TFG: variants seen among roughly 807,000 people sequenced by gnomAD.
TFG encodes protein TFG.
Under a neutral mutation model 51.4 loss-of-function variants are expected in TFG, and 22 were observed. The ratio of observed to expected loss-of-function variants is 0.43; its 90% CI spans 0.31 to 0.61. The LOEUF (loss-of-function observed/expected upper bound fraction) is 0.61, where lower values mean the gene tolerates loss of function less well. TFG is among the 20% of genes least tolerant of loss of function. TFG has a pLI of 0.12. For synonymous variants in TFG, 187 were observed against 165.6 expected, an observed-to-expected ratio of 1.13 and a Z score of -0.99; for missense variants, 419 against 487.7, an observed-to-expected ratio of 0.86 and a Z score of 1.33.
At chr3:100,724,330 C>T (rs1477874713) in intron 3 of TFG, among the ~76,000 whole-genome samples, 1 of 152,080 alleles carries the variant, frequency 6.6e-6, no homozygotes, top group African/African-American at 2.4e-5. Flanking sequence ...AGAAACAAGG[C>T]ACAAATAAGC....
At chr3:100,711,962 C>G (rs1239020793) in intron 1 of TFG, among the ~76,000 whole-genome samples, 1 of 152,204 alleles carries the variant, frequency 6.6e-6, no homozygotes, top group Non-Finnish European at 1.5e-5. Context: ...TAATCACTGT[C>G]TTCACGAGAA....
At chr3:100,720,628 C>T (rs74732564) in intron 3 of TFG, among the ~76,000 whole-genome samples, 2,216 of 152,354 alleles carry the variant, frequency 0.015, 50 homozygotes, top group African/African-American at 0.05. Context: ...CACCACTTAA[C>T]CTCCTGCTGT....
rs185528345 is a variant in TFG at position 100,724,590 on chromosome 3, A to G, written c.269-4122A>G. Among the ~76,000 whole-genome samples the G allele has an allele frequency of 2.9e-4, 44 of 152,326 alleles. No homozygotes were observed. In the South Asian group the frequency reaches 7.0e-3, roughly 24 times the overall value. On this transcript the variant is annotated intron_variant, in intron 3 of 7. Coordinates refer to ENST00000240851, the MANE Select transcript of TFG (RefSeq NM_006070.6). ...ATTCAAGAGCATAGGCAAAGAGGGA[A>G]TATACACTAATTCATTTTGTGGGGT... is the stretch of plus-strand genomic sequence containing the variant.
chr3:100,717,791 T>C (rs1559706727), intron 2 of TFG, among the ~76,000 whole-genome samples: 1 of 152,208 alleles, frequency 6.6e-6, no homozygotes, highest in South Asian at 2.1e-4. Context: ...GTAGAGTTTT[T>C]AGGTTTTTGT....
intron 3 of TFG, among the ~76,000 whole-genome samples, chr3:100,725,791 T>C (rs1312099709): frequency 6.6e-6 from 1 of 151,738 alleles, no homozygotes; most frequent in African/African-American, 2.4e-5. Context: ...AGACTCTGTC[T>C]CAAAAAAAAT....
At chr3:100,722,607 CAGAG>C (rs1379077009) in intron 3 of TFG, among the ~76,000 whole-genome samples, 2 of 152,096 alleles carry the variant, frequency 1.3e-5, no homozygotes, top group Admixed American at 6.5e-5. Flanking sequence ...TGTCTTAAGA[CAGAG>C]AGATTACCTT....
intron 1 of TFG, among the ~76,000 whole-genome samples, chr3:100,711,893 C>A (rs72919423): frequency 0.03 from 4,530 of 152,102 alleles, 183 homozygotes; most frequent in African/African-American, 0.092. Context: ...TCCTGAATAC[C>A]GAAAGCATTG....
At chr3:100,737,926 G>A (rs1324819907) in intron 6 of TFG, among the ~76,000 whole-genome samples, 24 of 152,114 alleles carry the variant, frequency 1.6e-4, no homozygotes, top group Non-Finnish European at 5.9e-5. Context: ...AGGTGCTATG[G>A]CATGTGCCTA....
chr3:100,732,477 C>T (rs569790011), intron 4 of TFG, 31 bp from the exon 5 acceptor site: 84 of 1,562,910 alleles, frequency 5.4e-5, no homozygotes, highest in Non-Finnish European at 7.1e-5. Flanking sequence ...AAAAAGGAAA[C>T]AAGTTTTTGT....
At chr3:100,717,824 C>T (rs965404012) in intron 2 of TFG, among the ~76,000 whole-genome samples, 1 of 151,764 alleles carries the variant, frequency 6.6e-6, no homozygotes, top group Non-Finnish European at 1.5e-5. Context: ...ATGTCATCTG[C>T]AAACAGGGAC....
chr3:100,742,903 C>T (rs1220442610), intron 6 of TFG: 1 of 147,998 alleles, frequency 6.8e-6, no homozygotes, highest in Admixed American at 6.8e-5. Flanking sequence ...AAAAAAAAAG[C>T]TTTATGAAGA....
At chr3:100,718,715 A>T (rs775457145) in intron 2 of TFG, among the ~76,000 whole-genome samples, 1 of 151,346 alleles carries the variant, frequency 6.6e-6, no homozygotes, top group South Asian at 2.1e-4. Context: ...ACACCACCAC[A>T]CTCGGCTGAT....
intron 3 of TFG, among the ~76,000 whole-genome samples, chr3:100,722,726 T>C (rs1248083976): frequency 1.3e-5 from 2 of 152,182 alleles, no homozygotes; most frequent in African/African-American, 2.4e-5. Flanking sequence ...TTATCACAGT[T>C]GCAAACAGTA....
chr3:100,714,755 T>C (rs2095041022), intron 2 of TFG, among the ~76,000 whole-genome samples: 2 of 152,242 alleles, frequency 1.3e-5, no homozygotes, highest in South Asian at 4.1e-4. Context: ...GTTTCTTTAT[T>C]GTAGGAGTTT....
rs1344643752 is a variant in TFG at position 100,732,676 on chromosome 3, A to C, written c.580+4A>C. ...TTAACAGATGATCAGGTTTCAGGTA[A>C]GTTGGTTTCCAACTCCTTTACACCC... On this transcript the variant is annotated splice_donor_region_variant and intron_variant, in intron 5 of 7. Transcript: ENST00000240851. 3 of 1,606,794 alleles carry C rather than the reference A, an allele frequency of 1.9e-6. No homozygotes were observed. The highest frequency in any genetic ancestry group is 2.5e-6 in the Non-Finnish European group (3 of 1,176,794).
At chr3:100,720,155 T>G in intron 3 of TFG, 97 bp downstream of exon 3, 1 of 673,766 alleles carries the variant, frequency 1.5e-6, no homozygotes, top group Non-Finnish European at 2.5e-6. Context: ...AAGCAATAAC[T>G]TATTCAAATA....
At chr3:100,745,506 T>C (rs987334124) in intron 7 of TFG, among the ~76,000 whole-genome samples, 58 of 152,332 alleles carry the variant, frequency 3.8e-4, no homozygotes, top group African/African-American at 1.3e-3. Context: ...CCTGAGTATT[T>C]TGTTTCTATT....
rs756327717 is a variant in TFG, at chr3:100,748,547, C to T, written c.*16C>T. The T allele has an allele frequency of 3.1e-6, 5 of 1,590,144 alleles. No homozygotes were observed. The highest frequency in any genetic ancestry group is 3.5e-5 in the Admixed American group (2 of 57,884). On this transcript the variant is annotated 3_prime_UTR_variant, in exon 8 of 8. Transcript: ENST00000240851. Reference sequence around the variant, plus strand: ...TTATCGATAAGGAGGCTCCTCTACACCAATTAATGTAGCTGCTAGCTATTG... The same window carrying T: ...TTATCGATAAGGAGGCTCCTCTACATCAATTAATGTAGCTGCTAGCTATTG...
intron 3 of TFG, among the ~76,000 whole-genome samples, chr3:100,726,812 A>G (rs1393748196): frequency 6.6e-6 from 1 of 152,090 alleles, no homozygotes; most frequent in African/African-American, 2.4e-5. Flanking sequence ...CTGATTTTGG[A>G]TAAGGTTCAA....
Sources: gnomAD v4.1 joint callset for allele counts (sites outside exome capture counted in the v4.1 genomes callset) on GRCh38, gnomAD v4.1.1 for gene constraint, MANE v1.5 for transcripts, NCBI Gene and HGNC (gene_info 2026-07-23, HGNC 2026-07-21) for gene names.